Variants in CHIC1 observed in about 807,000 individuals in gnomAD.
CHIC1 encodes the protein cysteine rich hydrophobic domain 1, also known as cysteine-rich hydrophobic domain-containing protein 1.
CHIC1 carries 7 observed loss-of-function variants against 18.5 expected under a neutral mutation model. That is an observed-to-expected ratio of 0.38 (90% confidence interval 0.22 to 0.71). The LOEUF is 0.71. Ranked by LOEUF, CHIC1 falls within the 30% of genes least tolerant of loss-of-function variation. CHIC1 has a pLI of 0.49. For missense variants in CHIC1, 159 were observed against 176.9 expected (o/e 0.90, Z 0.57); for synonymous variants, 77 against 73.5 (o/e 1.05, Z -0.25).
At chrX:73,584,346 G>C in intron 2 of CHIC1, 71 bp from the exon 3 acceptor site, 1 of 894,753 alleles carries the variant, frequency 1.1e-6, no homozygotes, top group Non-Finnish European at 1.5e-6. Flanking sequence ...TGTAATAAAT[G>C]TTTTTCTTAG....
chrX:73,683,075 T>C lies in CHIC1; in HGVS notation c.*2070T>C, dbSNP rs2058105693. ...TCATAGGAACTTTTTCTGCCATGTA[T>C]AAATCACACTTGGTTTTGCTCAAAG... On this transcript the variant is annotated 3_prime_UTR_variant, in exon 6 of 6. Coordinates refer to ENST00000373502, the MANE Select transcript of CHIC1 (RefSeq NM_001039840.4). 1.8e-5 allele frequency: 2 copies of C among 111,146 alleles called. No homozygotes were observed. Among genetic ancestry groups the C allele is most frequent in the African/African-American group, 6.5e-5 (2 of 30,681 alleles). The allele number at this position is 111,146 out of a possible 1,213,427, so 9.2% of individuals were successfully genotyped here. A position where few individuals can be genotyped will look rare whatever the true frequency, so the allele number is the denominator to read the frequency against.
At chrX:73,594,935 A>C (rs2484259) in intron 3 of CHIC1, among the ~76,000 whole-genome samples, 57,344 of 110,580 alleles carry the variant, frequency 0.52, 13,079 homozygotes, top group East Asian at 0.95. Context: ...GAATTTCATT[A>C]CCTTTTATGG....
chrX:73,603,471 T>C (rs2057662317), intron 3 of CHIC1, among the ~76,000 whole-genome samples: 1 of 108,119 alleles, frequency 9.2e-6, no homozygotes, highest in Non-Finnish European at 1.9e-5. Flanking sequence ...CTTCCTCTCT[T>C]CCTGTTTGAA....
chrX:73,664,104 A>G (rs774454671), intron 3 of CHIC1, among the ~76,000 whole-genome samples: 1 of 111,199 alleles, frequency 9.0e-6, no homozygotes, highest in South Asian at 3.9e-4. Context: ...TGGGCTTTTC[A>G]TCTGACCGAG....
intron 2 of CHIC1, among the ~76,000 whole-genome samples, chrX:73,580,505 G>A (rs1303353904): frequency 9.0e-6 from 1 of 110,744 alleles, no homozygotes; most frequent in Admixed American, 9.6e-5. Flanking sequence ...TCACATGGTG[G>A]TAACATTAGC....
chrX:73,589,856 T>C (rs2057572710), intron 3 of CHIC1, among the ~76,000 whole-genome samples: 1 of 111,193 alleles, frequency 9.0e-6, no homozygotes, highest in African/African-American at 3.3e-5. Flanking sequence ...ATAATTTTGC[T>C]CAGTATAGAA....
At chrX:73,614,929 C>A (rs1032039751) in intron 3 of CHIC1, among the ~76,000 whole-genome samples, 2 of 110,905 alleles carry the variant, frequency 1.8e-5, no homozygotes, top group Non-Finnish European at 3.8e-5. Flanking sequence ...AGATGTCAAA[C>A]TTCCTTGCTT....
chrX:73,651,516 G>C (rs772484966), intron 3 of CHIC1, among the ~76,000 whole-genome samples: 2 of 111,221 alleles, frequency 1.8e-5, no homozygotes, highest in Non-Finnish European at 3.8e-5. Flanking sequence ...AAGCTGATAA[G>C]TAACTTCAGC....
chrX:73,650,147 A>T (rs1419767327), intron 3 of CHIC1, among the ~76,000 whole-genome samples: 1 of 112,315 alleles, frequency 8.9e-6, no homozygotes, highest in Non-Finnish European at 1.9e-5. Flanking sequence ...GAGAACAATG[A>T]GACAACGTAC....
intron 3 of CHIC1, among the ~76,000 whole-genome samples, chrX:73,635,836 G>A (rs1011207334): frequency 1.8e-5 from 2 of 111,298 alleles, no homozygotes; most frequent in African/African-American, 3.3e-5. Context: ...TTCTTGTACC[G>A]TTGAAAATAA....
intron 3 of CHIC1, among the ~76,000 whole-genome samples, chrX:73,625,929 C>T (rs1246794518): frequency 9.1e-6 from 1 of 110,312 alleles, no homozygotes; most frequent in Non-Finnish European, 1.9e-5. Context: ...TACTGGATAC[C>T]CCACCACTTA....
Position 73,683,784 on chromosome X carries a change from A to C in CHIC1, c.*2779A>C, listed in dbSNP as rs1487883691. 8.9e-6 allele frequency: 1 copy of C among 111,803 alleles called. No homozygotes were observed. Among genetic ancestry groups the C allele is most frequent in the Non-Finnish European group, 1.9e-5 (1 of 52,839 alleles). The allele number at this position is 111,803 out of a possible 1,213,427, so 9.2% of individuals were successfully genotyped here. Reference sequence around the variant, plus strand: ...TTTGGCCCAAGATTCTGGCTTCATAAATTTGTCCAACTGGCTATTTTTAAG... The same window carrying C: ...TTTGGCCCAAGATTCTGGCTTCATACATTTGTCCAACTGGCTATTTTTAAG... On this transcript the variant is annotated 3_prime_UTR_variant, in exon 6 of 6. Coordinates refer to ENST00000373502, the MANE Select transcript of CHIC1 (RefSeq NM_001039840.4).
rs2058119660 is a variant in CHIC1 at position 73,685,927 on chromosome X, C to A, written c.*4922C>A. 1 of 110,975 alleles carries A rather than the reference C, an allele frequency of 9.0e-6. No individual in the cohort carries two copies. Among genetic ancestry groups the A allele is most frequent in the Non-Finnish European group, 1.9e-5 (1 of 52,778 alleles). 9.1% of individuals were successfully genotyped at this position (110,975 alleles called of 1,213,427 possible). On this transcript the variant is annotated 3_prime_UTR_variant, in exon 6 of 6. Transcript: ENST00000373502. The stretch of plus-strand genomic sequence containing the variant: ...GATGTAAATCAGTGATTCCCAACTT[C>A]AGCAGATGATAGCAGTGGAGGGTAT...
At chrX:73,642,045 G>T (rs1222016867) in intron 3 of CHIC1, among the ~76,000 whole-genome samples, 2 of 111,488 alleles carry the variant, frequency 1.8e-5, no homozygotes, top group Admixed American at 9.5e-5. Context: ...GTAAAGGGAT[G>T]GCTGGGTCAA....
intron 3 of CHIC1, among the ~76,000 whole-genome samples, chrX:73,633,245 A>G (rs1214838723): frequency 2.2e-5 from 2 of 92,236 alleles, no homozygotes; most frequent in Admixed American, 1.2e-4. Context: ...GCCCCCCCAC[A>G]TTTGTGTAGA....
chrX:73,671,534 T>A (rs1481809553), intron 3 of CHIC1, among the ~76,000 whole-genome samples: 1 of 111,478 alleles, frequency 9.0e-6, no homozygotes, highest in Non-Finnish European at 1.9e-5. Flanking sequence ...GAAATTGTAT[T>A]TTGCTTATCT....
intron 3 of CHIC1, 148 bp downstream of exon 3, chrX:73,584,720 G>A: frequency 2.4e-6 from 1 of 409,353 alleles, no homozygotes; most frequent in Non-Finnish European, 3.9e-6. Flanking sequence ...AGGAAACTTG[G>A]GGACAGGTAC....
At chrX:73,626,511 C>G (rs188514786) in intron 3 of CHIC1, among the ~76,000 whole-genome samples, 1 of 110,701 alleles carries the variant, frequency 9.0e-6, no homozygotes, top group Admixed American at 9.7e-5. Flanking sequence ...TCTCCTCTGA[C>G]TGCATTTTCT....
At chrX:73,640,980 T>C (rs1302050740) in intron 3 of CHIC1, among the ~76,000 whole-genome samples, 3 of 111,641 alleles carry the variant, frequency 2.7e-5, no homozygotes, top group Non-Finnish European at 3.8e-5. Context: ...GGACATTTAG[T>C]GCTATAAATT....
Sources: allele counts gnomAD v4.1 joint callset (sites outside exome capture counted in the v4.1 genomes callset), GRCh38; gene constraint gnomAD v4.1.1; transcripts MANE v1.5; gene names NCBI Gene and HGNC (gene_info 2026-07-23, HGNC 2026-07-21).